Variants in AZI2 observed in about 807,000 individuals in gnomAD.
AZI2 encodes the protein 5-azacytidine-induced protein 2.
AZI2 carries 22 observed loss-of-function variants against 45.8 expected under a neutral mutation model. The ratio of observed to expected loss-of-function variants is 0.48; its 90% CI spans 0.34 to 0.69. AZI2 has a LOEUF of 0.69. AZI2 is among the 30% of genes least tolerant of loss of function. The pLI is 0.01. For synonymous variants in AZI2, 137 were observed against 156.7 expected (o/e 0.87, Z 0.94); for missense variants, 417 against 441.5 (o/e 0.94, Z 0.50).
chr3:28,331,700 A>AT, intron 6 of AZI2: 2 of 1,332,660 alleles, frequency 1.5e-6, no homozygotes, highest in Non-Finnish European at 1.9e-6. Context: ...TCAGATCAGT[A>AT]TTTTTTATTG....
intron 5 of AZI2, among the ~76,000 whole-genome samples, chr3:28,335,306 A>T (rs920721758): frequency 3.3e-5 from 5 of 151,990 alleles, no homozygotes; most frequent in Non-Finnish European, 7.4e-5. Context: ...TTCAAACAGA[A>T]TATAAATAAT....
rs564564409 is a variant in AZI2 at position 28,347,579 on chromosome 3, T to C, written c.-6+1022A>G. On this transcript the variant is annotated intron_variant, in intron 1 of 7. Transcript: ENST00000479665. Reference sequence around the variant, plus strand: ...AGGAAAATGAAGAAAAAGTTTAGCCTCTTACCCATTGTCAAGTAAATGGAA... The same window carrying C: ...AGGAAAATGAAGAAAAAGTTTAGCCCCTTACCCATTGTCAAGTAAATGGAA... Among the ~76,000 whole-genome samples the C allele has an allele frequency of 3.3e-5, 5 of 152,328 alleles. No homozygotes were observed. The South Asian group carries it at 8.3e-4, about 25-fold the overall frequency.
rs529077046 is a variant in AZI2 at position 28,321,214 on chromosome 3, A to C, written c.*2828T>G. 6 of 151,608 alleles carry C rather than the reference A, an allele frequency of 4.0e-5. No individual in the cohort carries two copies. Among genetic ancestry groups the C allele is most frequent in the African/African-American group, 1.2e-4 (5 of 41,486 alleles). 9.4% of individuals were successfully genotyped at this position (151,608 alleles called of 1,614,324 possible). A position where few individuals can be genotyped will look rare whatever the true frequency, so the allele number is the denominator to read the frequency against. On this transcript the variant is annotated 3_prime_UTR_variant, in exon 8 of 8. Transcript: ENST00000479665. ...ACACAGCATAGGGGCAAACATGCCC[A>C]TATTTCCACATTGACCTTTGGTATT...
intron 1 of AZI2, among the ~76,000 whole-genome samples, chr3:28,346,194 TC>T (rs1265637779): frequency 1.3e-5 from 2 of 152,060 alleles, no homozygotes; most frequent in African/African-American, 4.8e-5. Flanking sequence ...AAGAACACTT[TC>T]CCAGGATTCA....
chr3:28,339,115 G>C (rs1228835269), intron 2 of AZI2, among the ~76,000 whole-genome samples: 1 of 151,862 alleles, frequency 6.6e-6, no homozygotes, highest in Non-Finnish European at 1.5e-5. Context: ...GAGGAGCTGG[G>C]AATATAGGTG....
Position 28,338,017 on chromosome 3 carries a change from G to A in AZI2, c.359C>T (p.Ser120Phe), listed in dbSNP as rs1427262733. ...LDKMNKDNSESLKVLNEQLQS... is the reference protein window; with the variant it reads ...LDKMNKDNSEFLKVLNEQLQS... ...TAGCTGCTCATTCAATACTTTCAAA[G>A]ATTCAGAGTTGTCTTTATTCTAGTT... The change falls in exon 4 of 8, where the codon TCT becomes TTT. Residue 120 changes from serine to phenylalanine, a missense_variant. Ser to Phe is a radical substitution (Grantham distance 155). Coordinates refer to ENST00000479665, the MANE Select transcript of AZI2 (RefSeq NM_022461.5). The A allele has an allele frequency of 1.9e-6, 3 of 1,585,878 alleles. No individual in the cohort carries two copies. Among genetic ancestry groups the A allele is most frequent in the East Asian group, 4.5e-5 (2 of 44,178 alleles).
intron 6 of AZI2, chr3:28,331,650 G>T: frequency 8.0e-7 from 1 of 1,249,266 alleles, no homozygotes; most frequent in Non-Finnish European, 1.0e-6. Context: ...TATTTACTTA[G>T]GTCAGTAAAC....
rs1477640859 is a variant in AZI2, at chr3:28,337,489, C to A, written c.439+448G>T. Among the ~76,000 whole-genome samples the A allele has an allele frequency of 5.3e-5, 8 of 152,188 alleles. No homozygotes were observed. In the South Asian group the frequency reaches 1.5e-3, roughly 28 times the overall value. On this transcript the variant is annotated intron_variant, in intron 4 of 7. Transcript: ENST00000479665. Reference sequence around the variant, plus strand: ...GGAGCAGGCTATTTATCCATATGCCCCAGATCCAACTTTCCACCCCAACAT... The same window carrying A: ...GGAGCAGGCTATTTATCCATATGCCACAGATCCAACTTTCCACCCCAACAT...
At chr3:28,324,765 A>G (rs1333500252) in intron 7 of AZI2, 4 of 222,314 alleles carry the variant, frequency 1.8e-5, no homozygotes, top group South Asian at 1.7e-4. Context: ...GAAGAACTAC[A>G]TATTTTTAAA....
rs1335989669 is a variant in AZI2, at chr3:28,340,463, A to G, written c.155T>C (p.Leu52Pro). 1 of 1,612,634 alleles carries G rather than the reference A, an allele frequency of 6.2e-7. No homozygotes were observed. The highest frequency in any genetic ancestry group is 8.5e-7 in the Non-Finnish European group (1 of 1,178,992). ...VTAYEDIKKRLKDSEKENSLL... is the reference protein window; with the variant it reads ...VTAYEDIKKRPKDSEKENSLL... Reference sequence around the variant, plus strand: ...AGAGTTCTCTTTCTCTGAATCCTTAAGTCGTTTTTTGATGTCTTCATATGC... The same window carrying G: ...AGAGTTCTCTTTCTCTGAATCCTTAGGTCGTTTTTTGATGTCTTCATATGC... Residue 52 changes from leucine to proline, a missense_variant, in exon 2 of 8, where the codon CTT becomes CCT. Coordinates refer to ENST00000479665, the MANE Select transcript of AZI2 (RefSeq NM_022461.5).
chr3:28,335,346 A>G (rs1181254919), intron 5 of AZI2, among the ~76,000 whole-genome samples: 4 of 152,074 alleles, frequency 2.6e-5, no homozygotes, highest in East Asian at 3.9e-4. Flanking sequence ...TTCAAGGTCC[A>G]TATCTTTTCC....
rs539786679 is a variant in AZI2 at position 28,328,194 on chromosome 3, T to A, written c.648-1244A>T. Among the ~76,000 whole-genome samples, 4 of 151,192 alleles carry A rather than the reference T, an allele frequency of 2.6e-5. No homozygotes were observed. In the Admixed American group the frequency reaches 2.7e-4, roughly 10 times the overall value. ...GCTCTTTGCAAGTTTTTAATAGGTG[T>A]CAAATAATTAGTTCACAAAATTAAC... On this transcript the variant is annotated intron_variant, in intron 6 of 7. Transcript: ENST00000479665.
intron 1 of AZI2, among the ~76,000 whole-genome samples, chr3:28,344,332 A>G (rs1704141944): frequency 1.3e-5 from 2 of 152,066 alleles, no homozygotes; most frequent in African/African-American, 4.8e-5. Flanking sequence ...ACTTCTGGAG[A>G]GTAAAAGCTA....
rs1163940368 is a variant in AZI2 at position 28,323,221 on chromosome 3, C to CATTT, written c.*817_*820dup. ...GAAAATGACTTTTTATCATTACACA[C>CATTT]ATTTATGTTTATATTATGGCCCACA... On this transcript the variant is annotated 3_prime_UTR_variant, in exon 8 of 8. Coordinates refer to ENST00000479665, the MANE Select transcript of AZI2 (RefSeq NM_022461.5). The CATTT allele has an allele frequency of 6.6e-6, 1 of 151,128 alleles. No homozygotes were observed. The highest frequency in any genetic ancestry group is 2.4e-5 in the African/African-American group (1 of 41,302). The allele number at this position is 151,128 out of a possible 1,614,324, so 9.4% of individuals were successfully genotyped here.
chr3:28,331,904 C>G (rs1465557800), intron 6 of AZI2: 12 of 1,547,894 alleles, frequency 7.8e-6, no homozygotes, highest in Non-Finnish European at 1.0e-5. Flanking sequence ...AAAATTCATG[C>G]TATCCCATGA....
In AZI2 at chr3:28,337,977, T is replaced by C. The variant is rs1351761147; in HGVS notation, c.399A>G (p.Val133=). Residue 133 remains valine, a synonymous_variant, in exon 4 of 8, where the codon GTA becomes GTG. Coordinates refer to ENST00000479665, the MANE Select transcript of AZI2 (RefSeq NM_022461.5). ...CCTCTGTCCTCAGCTGGAGGAGTTC[T>C]ACTTCTTTAGATTGTAGCTGCTCAT... The part of the protein sequence containing the change: ...VLNEQLQSKE[V]ELLQLRTEVE... 2 of 1,603,220 alleles carry C rather than the reference T, an allele frequency of 1.2e-6. No individual in the cohort carries two copies. Among genetic ancestry groups the C allele is most frequent in the Non-Finnish European group, 8.5e-7 (1 of 1,174,114 alleles).
Position 28,326,718 on chromosome 3 carries a change from A to G in AZI2, c.766+114T>C, listed in dbSNP as rs545390016. ...AATGGGTAGGCTGCGAATGTACTAT[A>G]TATACTTTGGCTTATCAATCTCTCA... On this transcript the variant is annotated intron_variant, in intron 7 of 7. Transcript: ENST00000479665. 3.6e-5 allele frequency: 30 copies of G among 838,496 alleles called. No individual in the cohort carries two copies. In the African/African-American group the frequency reaches 4.0e-4, roughly 11 times the overall value. 51.9% of individuals were successfully genotyped at this position (838,496 alleles called of 1,614,324 possible). A position where few individuals can be genotyped will look rare whatever the true frequency, so the allele number is the denominator to read the frequency against.
chr3:28,328,954 G>T (rs1227697458), intron 6 of AZI2, among the ~76,000 whole-genome samples: 2 of 151,078 alleles, frequency 1.3e-5, no homozygotes, highest in African/African-American at 4.8e-5. Context: ...TCTTATCTAG[G>T]TATTTCAAAG....
intron 5 of AZI2, 70 bp downstream of exon 5, chr3:28,336,667 T>A (rs1703803425): frequency 6.9e-7 from 1 of 1,450,994 alleles, no homozygotes; most frequent in Non-Finnish European, 9.5e-7. Flanking sequence ...TTTAATACAA[T>A]CTTAGTTATA....
Sources: allele counts gnomAD v4.1 joint callset (sites outside exome capture counted in the v4.1 genomes callset), GRCh38; gene constraint gnomAD v4.1.1; transcripts MANE v1.5; gene names NCBI Gene and HGNC (gene_info 2026-07-23, HGNC 2026-07-21).